TMIGD2: variants seen among roughly 807,000 people sequenced by gnomAD.
TMIGD2 encodes transmembrane and immunoglobulin domain containing 2, also known as transmembrane and immunoglobulin domain-containing protein 2.
A neutral mutation model predicts 22.6 loss-of-function variants in TMIGD2; 18 were observed. The ratio of observed to expected loss-of-function variants is 0.80; its 90% confidence interval spans 0.55 to 1.18. TMIGD2 has a LOEUF of 1.18. TMIGD2 is among the 50% of genes most tolerant of loss of function. TMIGD2 has a pLI of 0.00. For synonymous variants in TMIGD2, 184 were observed against 154.1 expected, an observed-to-expected ratio of 1.19 and a Z score of -1.44; for missense variants, 361 against 378.2, an observed-to-expected ratio of 0.95 and a Z score of 0.38.
At chr19:4,292,569 T>TG (rs559542387) in exon 5 of TMIGD2, 42 of 1,596,142 alleles carry the variant, frequency 2.6e-5, no homozygotes, top group Non-Finnish European at 3.6e-5. Context: ...TACCTATGGG[T>TG]GGGGTCCTGT....
exon 5 of TMIGD2, chr19:4,292,570 G>A (rs980755638): frequency 6.3e-7 from 1 of 1,595,386 alleles, no homozygotes; most frequent in Admixed American, 1.7e-5. Flanking sequence ...ACCTATGGGT[G>A]GGGTCCTGTT....
intron 2 of TMIGD2, 26 bp downstream of exon 2, chr19:4,297,960 C>A (rs759812476): frequency 1.3e-6 from 2 of 1,535,018 alleles, no homozygotes; most frequent in Non-Finnish European, 1.8e-6. Flanking sequence ...CCCACTGCCC[C>A]TCCCTCTCCC....
intron 1 of TMIGD2, 123 bp from the exon 2 acceptor site, chr19:4,298,468 G>A (rs1382598388): frequency 1.4e-6 from 2 of 1,381,734 alleles, no homozygotes; most frequent in East Asian, 2.6e-5. Flanking sequence ...CGGGTGCAGT[G>A]GCTCACGCCT....
chr19:4,295,252 C>A (rs1971446221), intron 2 of TMIGD2, among the ~76,000 whole-genome samples: 1 of 35,754 alleles, frequency 2.8e-5, no homozygotes. Flanking sequence ...CAGAGCAAGA[C>A]TCTGCCTCAA....
At chr19:4,299,982 C>T (rs529178200) in intron 1 of TMIGD2, among the ~76,000 whole-genome samples, 2 of 151,582 alleles carry the variant, frequency 1.3e-5, no homozygotes, top group African/African-American at 4.8e-5. Flanking sequence ...GTTCATGGGC[C>T]GGGTGCAGTG....
chr19:4,297,804 G>A (rs1016415303), intron 2 of TMIGD2, among the ~76,000 whole-genome samples, 182 bp downstream of exon 2: 3 of 151,128 alleles, frequency 2.0e-5, no homozygotes, highest in Non-Finnish European at 4.4e-5. Context: ...GCAGTGAGCC[G>A]AGATCGCGCC....
In TMIGD2 at chr19:4,298,481, A is replaced by G. The variant is rs541751844; in HGVS notation, c.47-136T>C. ...GACGGGTGCAGTGGCTCACGCCTGT[A>G]GTCCCAGCACTTTGGAAGCCCGAGG... On this transcript the variant is annotated intron_variant, in intron 1 of 4. Coordinates refer to ENST00000301272, the Ensembl canonical transcript of TMIGD2. The G allele has an allele frequency of 4.0e-5, 54 of 1,336,764 alleles. 1 individual carries two copies. Among genetic ancestry groups the G allele is most frequent in the Middle Eastern group, 5.5e-4 (2 of 3,668 alleles). The allele number at this position is 1,336,764 out of a possible 1,614,324, so 82.8% of individuals were successfully genotyped here. A position where few individuals can be genotyped will look rare whatever the true frequency, so the allele number is the denominator to read the frequency against.
intron 4 of TMIGD2, among the ~76,000 whole-genome samples, chr19:4,293,485 C>G (rs1971414075): frequency 6.6e-6 from 1 of 151,432 alleles, no homozygotes; most frequent in Non-Finnish European, 1.5e-5. Flanking sequence ...TGGTCTCGAA[C>G]TCCTGGCCTC....
chr19:4,294,851 GGCTTCTCCACCCTCCAA>G (rs1971440148), intron 2 of TMIGD2, 35 bp from the exon 3 acceptor site: 1 of 1,537,336 alleles, frequency 6.5e-7, no homozygotes, highest in Non-Finnish European at 8.7e-7. Flanking sequence ...GGGGGTGCCA[GGCTTCTCCACCCTCCAA>G]GGACAGAGCT....
chr19:4,301,699 A>C (rs1313576399), intron 1 of TMIGD2, among the ~76,000 whole-genome samples: 3 of 152,156 alleles, frequency 2.0e-5, no homozygotes, highest in Admixed American at 2.0e-4. Flanking sequence ...AAACAAAAAA[A>C]CACAAATGAA....
At chr19:4,302,313 A>G (rs1346057182) in intron 1 of TMIGD2, 27 bp downstream of exon 1, 4 of 1,558,266 alleles carry the variant, frequency 2.6e-6, no homozygotes, top group Non-Finnish European at 3.5e-6. Flanking sequence ...AGTGGGGTTC[A>G]GAGGGGAGGG....
intron 4 of TMIGD2, among the ~76,000 whole-genome samples, chr19:4,293,958 C>T (rs1971422157): frequency 1.3e-5 from 2 of 151,776 alleles, no homozygotes; most frequent in Admixed American, 1.3e-4. Flanking sequence ...GACTGGGTTT[C>T]ACCATGTCGC....
intron 2 of TMIGD2, among the ~76,000 whole-genome samples, chr19:4,297,682 T>C (rs941319302): frequency 1.3e-5 from 2 of 151,960 alleles, no homozygotes; most frequent in African/African-American, 4.8e-5. Context: ...TGGTGAAACC[T>C]CGTCTCTACT....
chr19:4,296,615 G>C (rs1400340253), intron 2 of TMIGD2, among the ~76,000 whole-genome samples: 2 of 152,130 alleles, frequency 1.3e-5, no homozygotes, highest in Non-Finnish European at 2.9e-5. Context: ...CCACCACCCC[G>C]CCTCCTCTAA....
At chr19:4,297,333 T>C (rs1462319000) in intron 2 of TMIGD2, among the ~76,000 whole-genome samples, 1 of 151,724 alleles carries the variant, frequency 6.6e-6, no homozygotes, top group Non-Finnish European at 1.5e-5. Context: ...CCTTCCAAAG[T>C]GCTAGGATTA....
At chr19:4,292,533 G>A in exon 5 of TMIGD2, 1 of 1,490,470 alleles carries the variant, frequency 6.7e-7, no homozygotes. Context: ...CACCGTGTCT[G>A]GCCTCGATCC....
At chr19:4,302,279 C>T in intron 1 of TMIGD2, 61 bp downstream of exon 1, 3 of 1,517,958 alleles carry the variant, frequency 2.0e-6, no homozygotes, top group Non-Finnish European at 2.7e-6. Context: ...AGCTGGGGGG[C>T]AGGCAGCTGG....
At chr19:4,297,949 C>T (rs762454803) in intron 2 of TMIGD2, 37 bp downstream of exon 2, 2 of 1,516,348 alleles carry the variant, frequency 1.3e-6, no homozygotes, top group South Asian at 1.3e-5. Context: ...CTAGGATCCT[C>T]CCCACTGCCC....
chr19:4,296,710 G>C (rs1486731899), intron 2 of TMIGD2, among the ~76,000 whole-genome samples: 1 of 105,698 alleles, frequency 9.5e-6, no homozygotes, highest in Non-Finnish European at 2.3e-5. Flanking sequence ...AGGCAGGCAC[G>C]TGTCCCCCGC....
Sources: allele counts gnomAD v4.1 joint callset (sites outside exome capture counted in the v4.1 genomes callset), GRCh38; gene constraint gnomAD v4.1.1; transcripts MANE v1.5; gene names NCBI Gene and HGNC (gene_info 2026-07-23, HGNC 2026-07-21).